Variants in RBFOX3 observed in about 807,000 individuals in gnomAD.
RBFOX3 encodes the protein RNA binding protein fox-1 homolog 3.
Under a neutral mutation model 48.7 loss-of-function variants are expected in RBFOX3, and 17 were observed. The observed-to-expected ratio is 0.35, with a 90% confidence interval of 0.24 to 0.52. RBFOX3 has a LOEUF of 0.52. Ranked by LOEUF, RBFOX3 falls within the 20% of genes least tolerant of loss-of-function variation. The pLI, the probability that RBFOX3 is intolerant of heterozygous loss-of-function variation, is 0.94. For missense variants in RBFOX3, 382 were observed against 497.5 expected (o/e 0.77, Z 2.21); for synonymous variants, 212 against 209.5 (o/e 1.01, Z -0.10).
chr17:79,355,583 G>T (rs1171028835), intron 2 of RBFOX3, among the ~76,000 whole-genome samples: 1 of 151,368 alleles, frequency 6.6e-6, no homozygotes, highest in Non-Finnish European at 1.5e-5. Flanking sequence ...TGAATTAATT[G>T]CTTTTTTTTT....
the RBFOX3 span, among the ~76,000 whole-genome samples, chr17:79,621,672 G>A: frequency 1.5e-3 from 231 of 152,260 alleles, 1 homozygote; most frequent in Admixed American, 6.8e-3. Flanking sequence ...AACCAAGTGC[G>A]GGAGTCGTGC....
chr17:79,571,506 TC>T (rs2092676857), intron 1 of RBFOX3, among the ~76,000 whole-genome samples: 1 of 150,506 alleles, frequency 6.6e-6, no homozygotes, highest in Non-Finnish European at 1.5e-5. Context: ...TGCTTGGGTG[TC>T]CCCACTCCCA....
intron 4 of RBFOX3, among the ~76,000 whole-genome samples, chr17:79,206,557 C>G (rs1046564439): frequency 2.0e-5 from 3 of 150,050 alleles, no homozygotes; most frequent in African/African-American, 7.3e-5. Context: ...GCGGATGCCT[C>G]CTGTGTCCAC....
At chr17:79,270,722 C>T (rs532322299) in intron 3 of RBFOX3, among the ~76,000 whole-genome samples, 25 of 152,316 alleles carry the variant, frequency 1.6e-4, no homozygotes, top group Non-Finnish European at 1.8e-4. Context: ...CGGCCCTGTT[C>T]CTCCTCCACT....
chr17:79,410,163 G>A (rs1034449586), intron 2 of RBFOX3, among the ~76,000 whole-genome samples: 4 of 152,222 alleles, frequency 2.6e-5, no homozygotes, highest in Non-Finnish European at 4.4e-5. Context: ...AATGCTAGAC[G>A]GCCCCCTGCA....
chr17:79,343,997 T>C (rs2082489319), intron 2 of RBFOX3, among the ~76,000 whole-genome samples: 1 of 152,218 alleles, frequency 6.6e-6, no homozygotes, highest in Non-Finnish European at 1.5e-5. Flanking sequence ...GTATGAGAGA[T>C]GCCAGGAAGA....
At chr17:79,235,041 T>C (rs58981371) in intron 4 of RBFOX3, 35,331 of 152,118 alleles carry the variant, frequency 0.23, 4,542 homozygotes, top group East Asian at 0.52. Context: ...CCATTAAATT[T>C]ATTTTTGACT....
intron 1 of RBFOX3, among the ~76,000 whole-genome samples, chr17:79,541,078 G>A (rs1228995426): frequency 1.3e-5 from 2 of 151,864 alleles, no homozygotes; most frequent in South Asian, 2.1e-4. Flanking sequence ...TGTCAATTAC[G>A]CTCCAGTATT....
chr17:79,637,641 G>A, the RBFOX3 span, among the ~76,000 whole-genome samples: 1 of 148,750 alleles, frequency 6.7e-6, no homozygotes, highest in Admixed American at 6.7e-5. Flanking sequence ...GTTGCAGTGA[G>A]CCGAGATCAC....
intron 4 of RBFOX3, among the ~76,000 whole-genome samples, chr17:79,170,328 G>A (rs914038819): frequency 8.5e-5 from 13 of 152,114 alleles, no homozygotes; most frequent in Non-Finnish European, 1.8e-4. Context: ...CCTGCCAAAC[G>A]GGCCAGAGGG....
At chr17:79,210,079 A>G (rs142934096) in intron 4 of RBFOX3, among the ~76,000 whole-genome samples, 5 of 152,090 alleles carry the variant, frequency 3.3e-5, no homozygotes, top group African/African-American at 1.2e-4. Context: ...TGCAAAAACA[A>G]CAGACACACA....
At chr17:79,317,235 G>A (rs2077666358) in intron 2 of RBFOX3, among the ~76,000 whole-genome samples, 1 of 152,120 alleles carries the variant, frequency 6.6e-6, no homozygotes, top group Non-Finnish European at 1.5e-5. Flanking sequence ...CAGTTCATTC[G>A]TATTCCAAAG....
intron 1 of RBFOX3, among the ~76,000 whole-genome samples, chr17:79,582,018 G>C (rs920488742): frequency 2.7e-5 from 4 of 146,700 alleles, no homozygotes; most frequent in African/African-American, 1.0e-4. Flanking sequence ...ATGTGCCTGT[G>C]CGTGCCTGTG....
intron 1 of RBFOX3, among the ~76,000 whole-genome samples, chr17:79,523,106 A>AATG (rs2086337455): frequency 6.6e-6 from 1 of 151,354 alleles, no homozygotes; most frequent in East Asian, 1.9e-4. Context: ...CAGAAGGAAG[A>AATG]ATGGAGGTTG....
chr17:79,279,200 C>T (rs113037967), intron 3 of RBFOX3, among the ~76,000 whole-genome samples: 224 of 152,194 alleles, frequency 1.5e-3, no homozygotes, highest in African/African-American at 5.2e-3. Context: ...GTCTTAAGAA[C>T]AGCCAGGAGA....
chr17:79,217,649 C>T (rs1196206273), intron 4 of RBFOX3, among the ~76,000 whole-genome samples: 1 of 151,994 alleles, frequency 6.6e-6, no homozygotes, highest in Non-Finnish European at 1.5e-5. Context: ...GTGGGGTGCT[C>T]AGGGAGGGCT....
intron 1 of RBFOX3, among the ~76,000 whole-genome samples, chr17:79,556,485 A>T (rs2091769763): frequency 6.6e-6 from 1 of 152,106 alleles, no homozygotes; most frequent in Non-Finnish European, 1.5e-5. Context: ...GAAGGCTTAC[A>T]GGGAGCTGTT....
chr17:79,543,800 T>G (rs533956017), intron 1 of RBFOX3, among the ~76,000 whole-genome samples: 2 of 149,180 alleles, frequency 1.3e-5, no homozygotes, highest in South Asian at 4.3e-4. Flanking sequence ...CAGCAATAAT[T>G]CAGAGCTACT....
the RBFOX3 span, among the ~76,000 whole-genome samples, chr17:79,625,297 G>T: frequency 6.6e-6 from 1 of 152,104 alleles, no homozygotes; most frequent in African/African-American, 2.4e-5. Context: ...CCTTCCCTCA[G>T]CACCATTCCC....
Sources: gnomAD v4.1 joint callset for allele counts (sites outside exome capture counted in the v4.1 genomes callset) on GRCh38, gnomAD v4.1.1 for gene constraint, MANE v1.5 for transcripts, NCBI Gene and HGNC (gene_info 2026-07-23, HGNC 2026-07-21) for gene names.